SLC27A2: variants seen among roughly 807,000 people sequenced by gnomAD.
The protein encoded by SLC27A2 is solute carrier family 27 member 2, also known as long-chain fatty acid transport protein 2.
SLC27A2 carries 54 observed loss-of-function variants against 60.0 expected under a neutral mutation model. The observed-to-expected ratio is 0.90, with a 90% confidence interval of 0.72 to 1.13. The LOEUF (loss-of-function observed/expected upper bound fraction) is 1.13. SLC27A2 is among the 50% of genes most tolerant of loss of function. The pLI is 0.00. For missense variants in SLC27A2, 739 were observed against 777.6 expected (o/e 0.95, Z 0.59); for synonymous variants, 297 against 297.6 (o/e 1.00, Z 0.02).
At chr15:50,201,089 T>C (rs932275746) in intron 2 of SLC27A2, among the ~76,000 whole-genome samples, 1 of 152,198 alleles carries the variant, frequency 6.6e-6, no homozygotes, top group Non-Finnish European at 1.5e-5. Context: ...CCTCCTGGGC[T>C]CAGGCGATCA....
Position 50,229,046 on chromosome 15 carries a change from T to C in SLC27A2, c.1555+4T>C. 6.4e-7 allele frequency: 1 copy of C among 1,555,982 alleles called. No individual in the cohort carries two copies. The highest frequency in any genetic ancestry group is 8.8e-7 in the Non-Finnish European group (1 of 1,138,032). ...GTTTATGGAGTGCATGTGCCAGGTA[T>C]ATACAAGATATGATCTGTACCTAAC... On this transcript the variant is annotated splice_donor_region_variant and intron_variant, in intron 8 of 9. Transcript: ENST00000267842.
At position 50,233,950 on chromosome 15, in the gene SLC27A2, T is replaced by A; in HGVS notation, c.1638T>A (p.Ile546=). The A allele has an allele frequency of 6.2e-7, 1 of 1,613,952 alleles. No homozygotes were observed. Among genetic ancestry groups the A allele is most frequent in the Middle Eastern group, 1.6e-4 (1 of 6,062 alleles). The change falls in exon 9 of 10, where the codon ATT becomes ATA. Residue 546 remains isoleucine, a synonymous_variant. Transcript: ENST00000267842. ...EFDGKKLFQH[I]ADYLPSYARP... is the part of the protein sequence containing the mutation. ...ATGGAAAGAAACTCTTTCAGCACAT[T>A]GCTGATTACCTACCTAGTTATGCAA...
In SLC27A2 at chr15:50,228,986, C is replaced by G. The variant is rs762551659; in HGVS notation, c.1499C>G (p.Thr500Arg). The stretch of plus-strand genomic sequence containing the variant: ...GTGGCCACCACTGAAGTTGCTGATA[C>G]AGTTGGACTGGTTGATTTTGTCCAA... ...ENVATTEVAD[T>R]VGLVDFVQEV... The change falls in exon 8 of 10, where the codon ACA (threonine) becomes AGA (arginine). Residue 500 changes from threonine (T) to arginine (R), a missense_variant. By Grantham distance (71) the Thr-to-Arg change is moderately conservative. Coordinates refer to ENST00000267842, the MANE Select transcript of SLC27A2 (RefSeq NM_003645.4). The G allele has an allele frequency of 6.2e-7, 1 of 1,614,052 alleles. No homozygotes were observed. The highest frequency in any genetic ancestry group is 1.3e-5 in the African/African-American group (1 of 75,056).
At chr15:50,234,036 C>T in intron 9 of SLC27A2, 38 bp downstream of exon 9, 3 of 1,534,444 alleles carry the variant, frequency 2.0e-6, no homozygotes, top group Non-Finnish European at 2.6e-6. Context: ...GATCTGTCCT[C>T]TTGGAGATTC....
chr15:50,203,651 C>T (rs551110943), intron 3 of SLC27A2, among the ~76,000 whole-genome samples: 29 of 151,788 alleles, frequency 1.9e-4, no homozygotes, highest in South Asian at 4.2e-4. Flanking sequence ...CACATATATG[C>T]GTGTGTGTAT....
intron 1 of SLC27A2, among the ~76,000 whole-genome samples, chr15:50,183,687 C>G (rs2044892295): frequency 6.6e-6 from 1 of 152,182 alleles, no homozygotes; most frequent in African/African-American, 2.4e-5. Flanking sequence ...TGGCTTTCCC[C>G]TCCCAGAGAG....
chr15:50,199,227 T>C (rs1349033460), intron 2 of SLC27A2, among the ~76,000 whole-genome samples: 2 of 152,022 alleles, frequency 1.3e-5, no homozygotes, highest in East Asian at 3.9e-4. Context: ...GAAAACCCCT[T>C]TTATTGGGAG....
At chr15:50,195,458 T>G (rs2140898416) in intron 1 of SLC27A2, among the ~76,000 whole-genome samples, 1 of 151,552 alleles carries the variant, frequency 6.6e-6, no homozygotes, top group African/African-American at 2.4e-5. Context: ...GCCACTGCAC[T>G]CCAGCCTGGG....
At position 50,182,716 on chromosome 15, in the gene SLC27A2, G is replaced by T. The variant is rs1255533237; in HGVS notation, c.289G>T (p.Asp97Tyr). Residue 97 changes from aspartate (D) to tyrosine (Y), a missense_variant, in exon 1 of 10, where the codon GAC becomes TAC. Transcript: ENST00000267842. ...CAATCAAGTGGCCCGGGCGCTGCACGACCACCTCGGCCTGCGCCAGGGAGA... is the reference window on the plus strand; with the variant it reads ...CAATCAAGTGGCCCGGGCGCTGCACTACCACCTCGGCCTGCGCCAGGGAGA... ...RSNQVARALHDHLGLRQGDCV... is the reference protein window; with the variant it reads ...RSNQVARALHYHLGLRQGDCV... 9.3e-6 allele frequency: 15 copies of T among 1,613,724 alleles called. No homozygotes were observed. Among genetic ancestry groups the T allele is most frequent in the Admixed American group, 1.7e-5 (1 of 60,002 alleles).
intron 3 of SLC27A2, among the ~76,000 whole-genome samples, chr15:50,204,661 GGGCGGGTGTTGCA>G (rs2045095448): frequency 6.6e-6 from 1 of 151,244 alleles, no homozygotes; most frequent in African/African-American, 2.4e-5. Context: ...TGAACCTGGG[GGGCGGGTGTTGCA>G]GTGAGTCGAG....
At chr15:50,201,745 C>T (rs1252739195) in intron 2 of SLC27A2, among the ~76,000 whole-genome samples, 5 of 152,006 alleles carry the variant, frequency 3.3e-5, no homozygotes, top group African/African-American at 7.2e-5. Flanking sequence ...TTAGTAGAGA[C>T]GGGGTTTCAC....
rs150293225 is a variant in SLC27A2, at chr15:50,209,805, A to G, written c.972+4442A>G. 5.9e-5 allele frequency among the ~76,000 whole-genome samples: 9 copies of G among 152,302 alleles called. 1 individual carries two copies. The East Asian group carries it at 1.5e-3, about 26-fold the overall frequency. ...GACTCTGGAGTTTTTCTAAGGTGAT[A>G]AAGACCTTCTTCCCTTTCACCTCTT... On this transcript the variant is annotated intron_variant, in intron 4 of 9. Transcript: ENST00000267842.
intron 2 of SLC27A2, among the ~76,000 whole-genome samples, chr15:50,199,436 C>T (rs1049539669): frequency 1.3e-5 from 2 of 149,358 alleles, no homozygotes; most frequent in African/African-American, 5.0e-5. Context: ...CGAGATTGCG[C>T]CACTGCACTC....
In SLC27A2 at chr15:50,197,496, T is replaced by G; in HGVS notation, c.479-4T>G. On this transcript the variant is annotated splice_region_variant and splice_polypyrimidine_tract_variant and intron_variant, in intron 1 of 9. Transcript: ENST00000267842. The stretch of plus-strand genomic sequence containing the variant: ...TGTTTTGATATTTTTCTTATTAAAT[T>G]AAGAACTACAAGCAGCTGTCGAAGA... 1 of 1,608,198 alleles carries G rather than the reference T, an allele frequency of 6.2e-7. No individual in the cohort carries two copies. The highest frequency in any genetic ancestry group is 8.5e-7 in the Non-Finnish European group (1 of 1,175,232).
intron 3 of SLC27A2, among the ~76,000 whole-genome samples, chr15:50,203,857 T>C (rs1342337317): frequency 6.6e-6 from 1 of 152,060 alleles, no homozygotes; most frequent in African/African-American, 2.4e-5. Flanking sequence ...TTCTGTTCCA[T>C]GTAAGGACAC....
At chr15:50,195,330 A>AC (rs1247273113) in intron 1 of SLC27A2, among the ~76,000 whole-genome samples, 13 of 150,984 alleles carry the variant, frequency 8.6e-5, no homozygotes, top group East Asian at 7.7e-4. Context: ...AAAAAAAACA[A>AC]AAACAAACAA....
At chr15:50,224,948 A>G (rs2140912227) in intron 5 of SLC27A2, among the ~76,000 whole-genome samples, 1 of 152,240 alleles carries the variant, frequency 6.6e-6, no homozygotes, top group African/African-American at 2.4e-5. Flanking sequence ...TTACTTTCTC[A>G]TCCATTGATT....
Position 50,227,069 on chromosome 15 carries a change from CTG to C in SLC27A2, c.1349_1350del (p.Leu450GlnfsTer5). The C allele has an allele frequency of 6.2e-7, 1 of 1,614,118 alleles. No individual in the cohort carries two copies. ...GAKAQTEKKK[L>X]RDVFKKGDLY... ...AAAGGCTCAGACAGAGAAGAAAAAACTGAGAGATGTCTTTAAGAAAGGAGACC... is the reference window on the plus strand; with the variant it reads ...AAAGGCTCAGACAGAGAAGAAAAAACAGAGATGTCTTTAAGAAAGGAGACC... On this transcript the variant is annotated frameshift_variant, in exon 7 of 10. Transcript: ENST00000267842. LOFTEE classifies it high-confidence loss of function.
chr15:50,194,085 G>A (rs1026484715), intron 1 of SLC27A2, among the ~76,000 whole-genome samples: 3 of 152,122 alleles, frequency 2.0e-5, no homozygotes, highest in African/African-American at 7.2e-5. Context: ...GGTTGACGCT[G>A]CAGTAAGCCA....
Sources: allele counts gnomAD v4.1 joint callset (sites outside exome capture counted in the v4.1 genomes callset), GRCh38; gene constraint gnomAD v4.1.1; transcripts MANE v1.5; gene names NCBI Gene and HGNC (gene_info 2026-07-23, HGNC 2026-07-21).